Variants in GMCL1 observed in about 807,000 individuals in gnomAD.
GMCL1 encodes the protein germ cell-less 1, spermatogenesis associated.
Under a neutral mutation model 75.5 loss-of-function variants are expected in GMCL1, and 54 were observed. The observed-to-expected ratio is 0.71, with a 90% CI of 0.57 to 0.90. GMCL1 has a LOEUF of 0.90. GMCL1 is among the 40% of genes least tolerant of loss of function. The pLI is 0.00. For synonymous variants in GMCL1, 210 were observed against 209.6 expected (o/e 1.00, Z -0.02); for missense variants, 537 against 622.7 (o/e 0.86, Z 1.47).
In GMCL1 at chr2:69,856,461, A is replaced by G. The variant is rs1573359803; in HGVS notation, c.1072+1501A>G. ...ACTGTGTCAAGCACAGTTCAACTCC[A>G]TTATTTCATGGAATTAGGTTTATCT... On this transcript the variant is annotated intron_variant, in intron 9 of 13. Coordinates refer to ENST00000282570, the MANE Select transcript of GMCL1 (RefSeq NM_178439.5). Among the ~76,000 whole-genome samples, 3 of 152,206 alleles carry G rather than the reference A, an allele frequency of 2.0e-5. No homozygotes were observed. The South Asian group carries it at 6.2e-4, about 32-fold the overall frequency.
In GMCL1 at chr2:69,837,640, A is replaced by G. The variant is rs549466882; in HGVS notation, c.354A>G (p.Glu118=). The G allele has an allele frequency of 8.1e-6, 13 of 1,603,064 alleles. No individual in the cohort carries two copies. The African/African-American group carries it at 1.7e-4, about 22-fold the overall frequency. The stretch of plus-strand genomic sequence containing the variant: ...TTAAGATTTGTGCTCTAGGAGAAGA[A>G]TGGAGCTTACACAAAATATATTTAT... ...SDIKICALGE[E]WSLHKIYLCQ... Residue 118 remains glutamate (E), a synonymous_variant, in exon 2 of 14, where the codon GAA becomes GAG. Transcript: ENST00000282570.
At position 69,846,675 on chromosome 2, in the gene GMCL1, CAAAT is replaced by C. The variant is rs895866735; in HGVS notation, c.759-865_759-862del. Among the ~76,000 whole-genome samples, 58 of 152,236 alleles carry C rather than the reference CAAAT, an allele frequency of 3.8e-4. 1 individual carries two copies. The highest frequency in any genetic ancestry group is 3.4e-3 in the Middle Eastern group (1 of 294). ...AGAACAAAGGAAAAGCAAAACAAAA[CAAAT>C]AACTGGTGATATCATTTTCACTCTA... On this transcript the variant is annotated intron_variant, in intron 6 of 13. Transcript: ENST00000282570.
chr2:69,875,032 AC>A (rs758981567), intron 13 of GMCL1, among the ~76,000 whole-genome samples: 5 of 152,234 alleles, frequency 3.3e-5, no homozygotes, highest in Non-Finnish European at 7.3e-5. Context: ...GGCATGAGCC[AC>A]CAGGCCCAAA....
chr2:69,839,791 C>T (rs529284408), intron 3 of GMCL1, among the ~76,000 whole-genome samples: 3 of 151,788 alleles, frequency 2.0e-5, no homozygotes, highest in South Asian at 2.1e-4. Flanking sequence ...AATATGCCCA[C>T]CTGGGATATG....
At chr2:69,839,372 A>G (rs1225683942) in intron 2 of GMCL1, 85 bp from the exon 3 acceptor site, 5 of 751,250 alleles carry the variant, frequency 6.7e-6, no homozygotes, top group Non-Finnish European at 6.8e-6. Context: ...AATGGATAGA[A>G]TAGTTGCTTA....
Position 69,871,905 on chromosome 2 carries a change from A to G in GMCL1, c.1452+73A>G, listed in dbSNP as rs1328714393. ...AATCCTCTTTTGAAAATTCTTAAGT[A>G]GAATTAACATTAAAGTGATGGCATT... On this transcript the variant is annotated intron_variant, in intron 13 of 13. Coordinates refer to ENST00000282570, the MANE Select transcript of GMCL1 (RefSeq NM_178439.5). 5 of 968,058 alleles carry G rather than the reference A, an allele frequency of 5.2e-6. No homozygotes were observed. The African/African-American group carries it at 8.3e-5, about 16-fold the overall frequency. The allele number at this position is 968,058 out of a possible 1,614,324, so 60.0% of individuals were successfully genotyped here.
chr2:69,867,838 G>T (rs1250145164), intron 11 of GMCL1, among the ~76,000 whole-genome samples: 2 of 152,116 alleles, frequency 1.3e-5, no homozygotes, highest in Admixed American at 6.6e-5. Flanking sequence ...CATTTTCCTA[G>T]TGAATTGATC....
At chr2:69,861,427 C>T in intron 10 of GMCL1, 80 bp downstream of exon 10, 1 of 826,544 alleles carries the variant, frequency 1.2e-6, no homozygotes, top group Middle Eastern at 3.5e-4. Context: ...GTTGAAAAAT[C>T]ATTAACAGTA....
intron 13 of GMCL1, among the ~76,000 whole-genome samples, chr2:69,876,969 CAG>C (rs926058631): frequency 1.3e-5 from 2 of 152,162 alleles, no homozygotes; most frequent in Non-Finnish European, 2.9e-5. Context: ...GCCTGGGTGA[CAG>C]AGTCAGACCC....
At chr2:69,870,007 T>G (rs2104046906) in intron 12 of GMCL1, 143 bp downstream of exon 12, 1 of 718,050 alleles carries the variant, frequency 1.4e-6, no homozygotes, top group South Asian at 2.6e-5. Context: ...GAGGCTCCAT[T>G]CCTGTGAAAT....
At chr2:69,861,747 TAATA>T (rs1675654128) in intron 10 of GMCL1, among the ~76,000 whole-genome samples, 4 of 152,172 alleles carry the variant, frequency 2.6e-5, no homozygotes. Flanking sequence ...CTGATTAATG[TAATA>T]AATAGTTTTT....
intron 9 of GMCL1, 77 bp downstream of exon 9, chr2:69,855,037 G>A: frequency 8.9e-7 from 1 of 1,121,846 alleles, no homozygotes; most frequent in Non-Finnish European, 1.3e-6. Context: ...AAAGAACAAG[G>A]AAAGAAGTAG....
At chr2:69,856,898 A>T (rs1299636905) in intron 9 of GMCL1, among the ~76,000 whole-genome samples, 1 of 152,008 alleles carries the variant, frequency 6.6e-6, no homozygotes, top group Non-Finnish European at 1.5e-5. Context: ...CCAGTCACAT[A>T]ATATGTCCAT....
chr2:69,851,156 G>A (rs968160042), intron 8 of GMCL1, among the ~76,000 whole-genome samples: 3 of 152,076 alleles, frequency 2.0e-5, no homozygotes, highest in Non-Finnish European at 2.9e-5. Flanking sequence ...TGTCTTTTTG[G>A]TTGGGTGCCG....
chr2:69,841,152 G>A (rs781346319), intron 4 of GMCL1, 113 bp downstream of exon 4: 60 of 671,012 alleles, frequency 8.9e-5, no homozygotes, highest in Admixed American at 1.2e-4. Flanking sequence ...AAATAAAAAT[G>A]AAATGTATAA....
chr2:69,836,687 A>C (rs1369152846), intron 1 of GMCL1, among the ~76,000 whole-genome samples: 2 of 152,256 alleles, frequency 1.3e-5, no homozygotes, highest in African/African-American at 4.8e-5. Context: ...GGAATTTAAG[A>C]TATTGATCAG....
chr2:69,848,434 C>G (rs146041874), intron 7 of GMCL1, among the ~76,000 whole-genome samples: 27 of 152,352 alleles, frequency 1.8e-4, no homozygotes, highest in African/African-American at 6.3e-4. Flanking sequence ...AGGTCAGGCA[C>G]AGTGGCTTAC....
In GMCL1 at chr2:69,861,528, C is replaced by T. The variant is rs1246970270; in HGVS notation, c.1142+181C>T. Among the ~76,000 whole-genome samples the T allele has an allele frequency of 3.9e-5, 6 of 152,002 alleles. No homozygotes were observed. In the East Asian group the frequency reaches 1.2e-3, roughly 29 times the overall value. ...TCAGTCTTATAAATGTCTTTCTGGT[C>T]AATTAGATAGTATAATGCAATTATG... On this transcript the variant is annotated intron_variant, in intron 10 of 13. Transcript: ENST00000282570.
At chr2:69,831,957 A>G (rs1433089395) in intron 1 of GMCL1, among the ~76,000 whole-genome samples, 2 of 152,352 alleles carry the variant, frequency 1.3e-5, no homozygotes, top group East Asian at 3.9e-4. Flanking sequence ...GCAGTGGCTC[A>G]TGCCTATAAT....
Sources: allele counts gnomAD v4.1 joint callset (sites outside exome capture counted in the v4.1 genomes callset), GRCh38; gene constraint gnomAD v4.1.1; transcripts MANE v1.5; gene names NCBI Gene and HGNC (gene_info 2026-07-23, HGNC 2026-07-21).